ERBIN: variants seen among roughly 807,000 people sequenced by gnomAD.
ERBIN encodes erbb2 interacting protein.
In ERBIN, 60 loss-of-function variants were observed where a neutral mutation model predicts 158.4. The observed-to-expected ratio is 0.38, with a 90% CI of 0.31 to 0.47. ERBIN has a LOEUF of 0.47. Among genes scored for constraint, ERBIN ranks in the 20% least tolerant of loss-of-function variants. ERBIN has a pLI of 0.99. For synonymous variants in ERBIN, 594 were observed against 557.2 expected, an observed-to-expected ratio of 1.07 and a Z score of -0.93; for missense variants, 1,610 against 1,648.0, an observed-to-expected ratio of 0.98 and a Z score of 0.40.
At chr5:65,952,191 G>C (rs999808150) in intron 1 of ERBIN, among the ~76,000 whole-genome samples, 1 of 151,842 alleles carries the variant, frequency 6.6e-6, no homozygotes, top group African/African-American at 2.4e-5. Flanking sequence ...AGAATCATTA[G>C]CTTTTTTTTT....
chr5:66,066,607 TTAA>T (rs768339645), intron 21 of ERBIN, among the ~76,000 whole-genome samples: 15 of 151,950 alleles, frequency 9.9e-5, no homozygotes, highest in Non-Finnish European at 2.2e-4. Context: ...ATTTATTTAA[TTAA>T]TAAGCAAAAT....
chr5:65,931,852 C>T (rs1190528774), intron 1 of ERBIN, among the ~76,000 whole-genome samples: 15 of 134,346 alleles, frequency 1.1e-4, no homozygotes, highest in Admixed American at 4.8e-4. Flanking sequence ...GGAGTTTGCT[C>T]TTGTTGCCCA....
At chr5:66,076,083 G>A in intron 23 of ERBIN, 4 of 478,242 alleles carry the variant, frequency 8.4e-6, no homozygotes, top group Non-Finnish European at 1.5e-5. Flanking sequence ...CATAAGACAA[G>A]CAATAAAATT....
intron 24 of ERBIN, chr5:66,076,609 T>G (rs1021727263): frequency 1.7e-6 from 1 of 603,100 alleles, no homozygotes; most frequent in Non-Finnish European, 2.9e-6. Context: ...TATGAATGTT[T>G]ATGATATAAT....
At chr5:66,039,455 T>C (rs1380173366) in intron 15 of ERBIN, among the ~76,000 whole-genome samples, 2 of 151,926 alleles carry the variant, frequency 1.3e-5, no homozygotes, top group Non-Finnish European at 2.9e-5. Context: ...CTTCCTATTT[T>C]CCAGAAATCA....
chr5:66,078,442 T>C lies in ERBIN; in HGVS notation c.4151T>C (p.Ile1384Thr). ...TTCTAGGCTAATGGCTACAGTTTTA[T>C]AAATATTGAACATGGACAAGCAGTG... ...KIIQANGYSF[I>T]NIEHGQAVSL... Residue 1384 changes from isoleucine (I) to threonine (T), a missense_variant, in exon 26 of 26, where the codon ATA becomes ACA. Ile to Thr is a moderately conservative substitution (Grantham distance 89, BLOSUM62 -1). This residue lies in a region of ERBIN where 1,014 missense variants were observed against 936.1 expected (regional missense o/e 1.08). Transcript: ENST00000284037. 1 of 1,583,338 alleles carries C rather than the reference T, an allele frequency of 6.3e-7. No individual in the cohort carries two copies.
At chr5:65,946,366 A>AAATGAATG (rs199983927) in intron 1 of ERBIN, among the ~76,000 whole-genome samples, 18 of 151,986 alleles carry the variant, frequency 1.2e-4, no homozygotes, top group African/African-American at 3.2e-4. Context: ...TCAGTCTCAT[A>AAATGAATG]AATGAATGAA....
intron 1 of ERBIN, among the ~76,000 whole-genome samples, chr5:65,968,386 A>G (rs559357496): frequency 9.2e-5 from 14 of 152,282 alleles, no homozygotes; most frequent in African/African-American, 3.4e-4. Flanking sequence ...TTGTGTGGAA[A>G]ATATATTTAA....
In ERBIN at chr5:66,082,451, T is replaced by G. The variant is rs1351650150; in HGVS notation, c.*3921T>G. 6.6e-6 allele frequency: 1 copy of G among 152,202 alleles called. No homozygotes were observed. The highest frequency in any genetic ancestry group is 1.5e-5 in the Non-Finnish European group (1 of 68,026). 9.4% of individuals were successfully genotyped at this position (152,202 alleles called of 1,614,324 possible). A position where few individuals can be genotyped will look rare whatever the true frequency, so the allele number is the denominator to read the frequency against. On this transcript the variant is annotated 3_prime_UTR_variant, in exon 26 of 26. Coordinates refer to ENST00000284037, the MANE Select transcript of ERBIN (RefSeq NM_001253697.2). ...CCACGGTTTTATTTCAGGATAAAAT[T>G]TGAGAAACTAGTATCACTGGGGAAG...
At chr5:66,077,805 C>T (rs1280593362) in intron 25 of ERBIN, among the ~76,000 whole-genome samples, 1 of 144,514 alleles carries the variant, frequency 6.9e-6, no homozygotes, top group Non-Finnish European at 1.5e-5. Flanking sequence ...TACACACACA[C>T]ACACAGTCAC....
chr5:66,076,236 A>G (rs1761973151), intron 23 of ERBIN, 80 bp from the exon 24 acceptor site: 7 of 1,021,786 alleles, frequency 6.9e-6, no homozygotes, highest in South Asian at 2.8e-5. Flanking sequence ...GACTTAACCA[A>G]TCAGTATTTA....
intron 21 of ERBIN, among the ~76,000 whole-genome samples, chr5:66,059,464 A>G (rs919949070): frequency 6.6e-6 from 1 of 152,234 alleles, no homozygotes; most frequent in African/African-American, 2.4e-5. Flanking sequence ...TTCTAGATAT[A>G]CAATCATGTC....
At chr5:65,934,236 A>G (rs1488039529) in intron 1 of ERBIN, among the ~76,000 whole-genome samples, 1 of 152,202 alleles carries the variant, frequency 6.6e-6, no homozygotes, top group East Asian at 1.9e-4. Context: ...CCTACAAACA[A>G]GGATATTCTC....
chr5:65,946,913 A>AAAAT (rs1745831576), intron 1 of ERBIN, among the ~76,000 whole-genome samples: 1 of 151,772 alleles, frequency 6.6e-6, no homozygotes, highest in South Asian at 2.1e-4. Flanking sequence ...TGTGCTATTC[A>AAAAT]ACATCTATAT....
intron 7 of ERBIN, among the ~76,000 whole-genome samples, 152 bp from the exon 8 acceptor site, chr5:66,021,168 TTA>T (rs1755640686): frequency 1.5e-5 from 1 of 65,256 alleles, no homozygotes; most frequent in African/African-American, 3.5e-5. Context: ...AATCTGACTT[TTA>T]AAATTTTTTA....
chr5:66,044,222 T>TA lies in ERBIN; in HGVS notation c.1518dup (p.Asp507ArgfsTer2). 6.2e-7 allele frequency: 1 copy of TA among 1,612,350 alleles called. No individual in the cohort carries two copies. Among genetic ancestry groups the TA allele is most frequent in the Non-Finnish European group, 8.5e-7 (1 of 1,179,270 alleles). ...ACTGTTCAAACCATTGTACATAGAT[T>TA]AAAAGATGAAGAGACCAATGAAGAC... is the stretch of plus-strand genomic sequence containing the variant. On this transcript the variant is annotated frameshift_variant, in exon 17 of 26. Transcript: ENST00000284037. LOFTEE classifies it high-confidence loss of function.
At chr5:66,067,113 C>T (rs1352611492) in intron 21 of ERBIN, among the ~76,000 whole-genome samples, 1 of 152,028 alleles carries the variant, frequency 6.6e-6, no homozygotes, top group Non-Finnish European at 1.5e-5. Context: ...TTATTCCAGT[C>T]AAATGTTTAT....
At chr5:65,940,279 C>G (rs1483120276) in intron 1 of ERBIN, among the ~76,000 whole-genome samples, 3 of 150,366 alleles carry the variant, frequency 2.0e-5, no homozygotes, top group Admixed American at 1.3e-4. Context: ...CCCAGCCGCC[C>G]CGTCTGAGAA....
rs1759442537 is a variant in ERBIN at position 66,054,924 on chromosome 5, A to T, written c.3606A>T (p.Arg1202=). ...VPRDWREQVL[R]HIEAKKLEKK... is the part of the protein sequence containing the mutation. ...GTGACTGGAGAGAACAAGTACTTCG[A>T]CATATTGAAGCCAAAAAGTTAGAAA... The change falls in exon 21 of 26, where the codon CGA becomes CGT. Residue 1202 remains arginine, a synonymous_variant. Coordinates refer to ENST00000284037, the MANE Select transcript of ERBIN (RefSeq NM_001253697.2). 6.3e-7 allele frequency: 1 copy of T among 1,587,060 alleles called. No individual in the cohort carries two copies. Among genetic ancestry groups the T allele is most frequent in the Admixed American group, 1.8e-5 (1 of 54,546 alleles).
Sources: gnomAD v4.1 joint callset for allele counts (sites outside exome capture counted in the v4.1 genomes callset) on GRCh38, gnomAD v4.1.1 for gene constraint, gnomAD v4.1.1 regional missense constraint, MANE v1.5 for transcripts, NCBI Gene and HGNC (gene_info 2026-07-23, HGNC 2026-07-21) for gene names.